Variants in DPYSL2 observed in about 807,000 individuals in gnomAD.
DPYSL2 encodes the protein dihydropyrimidinase like 2.
Under a neutral mutation model 69.9 loss-of-function variants are expected in DPYSL2, and 13 were observed. The ratio of observed to expected loss-of-function variants is 0.19; its 90% CI spans 0.12 to 0.30. The LOEUF is 0.30. Among genes scored for constraint, DPYSL2 ranks in the 10% least tolerant of loss-of-function variants. The pLI, the probability that DPYSL2 is intolerant of heterozygous loss-of-function variation, is 1.00. For synonymous variants in DPYSL2, 326 were observed against 359.1 expected, an observed-to-expected ratio of 0.91 and a Z score of 1.04; for missense variants, 587 against 918.9, an observed-to-expected ratio of 0.64 and a Z score of 4.67.
chr8:26,584,866 G>A (rs1356703576), intron 3 of DPYSL2, among the ~76,000 whole-genome samples: 1 of 152,066 alleles, frequency 6.6e-6, no homozygotes, highest in Non-Finnish European at 1.5e-5. Flanking sequence ...TGATCTGCCT[G>A]CCTCGGCCTC....
rs147510891 is a variant in DPYSL2 at position 26,602,447 on chromosome 8, C to T, written c.628+18464C>T. Reference sequence around the variant, plus strand: ...ATGTAACAGCGATGAGATGGCCCCTCCCAGAGCTGAGAATGGAGAGTATTA... The same window carrying T: ...ATGTAACAGCGATGAGATGGCCCCTTCCAGAGCTGAGAATGGAGAGTATTA... On this transcript the variant is annotated intron_variant, in intron 3 of 13. Coordinates refer to ENST00000521913, the MANE Select transcript of DPYSL2 (RefSeq NM_001197293.3). 3.2e-3 allele frequency among the ~76,000 whole-genome samples: 481 copies of T among 152,172 alleles called. 4 individuals carry two copies. Among genetic ancestry groups the T allele is most frequent in the Non-Finnish European group, 5.8e-3 (397 of 68,012 alleles).
At chr8:26,635,108 TA>T (rs1802879871) in intron 8 of DPYSL2, among the ~76,000 whole-genome samples, 1 of 152,268 alleles carries the variant, frequency 6.6e-6, no homozygotes. Context: ...AGTATCTATT[TA>T]AAGCCATGTG....
chr8:26,632,651 C>T (rs776918013), intron 7 of DPYSL2, among the ~76,000 whole-genome samples: 5 of 152,152 alleles, frequency 3.3e-5, no homozygotes, highest in African/African-American at 4.8e-5. Context: ...CCAACCTGGG[C>T]AACATGGCGA....
chr8:26,654,914 T>C lies in DPYSL2; in HGVS notation c.1943-701T>C, dbSNP rs1803348764. On this transcript the variant is annotated intron_variant, in intron 13 of 13. Coordinates refer to ENST00000521913, the MANE Select transcript of DPYSL2 (RefSeq NM_001197293.3). This position sits in a 1 kb window ranked among gnomAD's most constrained non-coding sequence, Gnocchi z 5.0. Reference sequence around the variant, plus strand: ...TAGAGTGCAGTGGTGCAATCACAGCTCACTGCAGCCTCGACCTCCTGGGCT... The same window carrying C: ...TAGAGTGCAGTGGTGCAATCACAGCCCACTGCAGCCTCGACCTCCTGGGCT... 1.3e-5 allele frequency among the ~76,000 whole-genome samples: 2 copies of C among 152,164 alleles called. No individual in the cohort carries two copies. Among genetic ancestry groups the C allele is most frequent in the African/African-American group, 4.8e-5 (2 of 41,448 alleles).
At chr8:26,542,847 G>A (rs1379590412) in intron 1 of DPYSL2, among the ~76,000 whole-genome samples, 1 of 152,202 alleles carries the variant, frequency 6.6e-6, no homozygotes, top group African/African-American at 2.4e-5. Context: ...TCTAGGTCCT[G>A]TGTGTGTTTA....
intron 1 of DPYSL2, among the ~76,000 whole-genome samples, chr8:26,537,144 A>T (rs1338129282): frequency 6.6e-6 from 1 of 152,218 alleles, no homozygotes; most frequent in Non-Finnish European, 1.5e-5. Context: ...ATTAGGAAGT[A>T]TAGGTAATTC....
chr8:26,572,853 A>T (rs1463577781), intron 1 of DPYSL2, among the ~76,000 whole-genome samples: 1 of 152,134 alleles, frequency 6.6e-6, no homozygotes, highest in Non-Finnish European at 1.5e-5. Context: ...TCAAACCTTG[A>T]ATGGAAGAAA....
In DPYSL2 at chr8:26,644,101, G is replaced by A. The variant is rs370344234; in HGVS notation, c.1425+10G>A. ...CTGGGACAAGGCTGTGGTAAGGAGC[G>A]ATGGCCTCACTCCTTGGTGGCTCTC... On this transcript the variant is annotated intron_variant, in intron 10 of 13. Coordinates refer to ENST00000521913, the MANE Select transcript of DPYSL2 (RefSeq NM_001197293.3). This position sits in a 1 kb window ranked among gnomAD's most constrained non-coding sequence, Gnocchi z 4.5. The A allele has an allele frequency of 2.5e-5, 40 of 1,613,432 alleles. No homozygotes were observed. Among genetic ancestry groups the A allele is most frequent in the Non-Finnish European group, 3.0e-5 (35 of 1,179,700 alleles).
At chr8:26,577,722 C>A in intron 1 of DPYSL2, 1 of 826,122 alleles carries the variant, frequency 1.2e-6, no homozygotes, top group Non-Finnish European at 1.5e-6. Flanking sequence ...GCGCGAAAGG[C>A]GCGCTCCCAG....
In DPYSL2 at chr8:26,537,938, CCTTAACA is replaced by C. The variant is rs200749106; in HGVS notation, c.354+23265_354+23271del. On this transcript the variant is annotated intron_variant, in intron 1 of 13. Transcript: ENST00000521913. The stretch of plus-strand genomic sequence containing the variant: ...GTTCATCTTTCCTTGGCTCATATAA[CCTTAACA>C]CTTAATGAAAACTACAGGCCAGTTA... Among the ~76,000 whole-genome samples, 7 of 152,242 alleles carry C rather than the reference CCTTAACA, an allele frequency of 4.6e-5. No homozygotes were observed. In the East Asian group the frequency reaches 1.4e-3, roughly 29 times the overall value.
In DPYSL2 at chr8:26,560,667, A is replaced by G. The variant is rs1801056785; in HGVS notation, c.355-21302A>G. 6.6e-6 allele frequency among the ~76,000 whole-genome samples: 1 copy of G among 152,240 alleles called. No homozygotes were observed. Among genetic ancestry groups the G allele is most frequent in the African/African-American group, 2.4e-5 (1 of 41,470 alleles). ...ATCTCTATGCTTTAATAGAAGCATT[A>G]AAACAGTAAGCAGCCATCATTTTTG... On this transcript the variant is annotated intron_variant, in intron 1 of 13. Coordinates refer to ENST00000521913, the MANE Select transcript of DPYSL2 (RefSeq NM_001197293.3). This position sits in a 1 kb window ranked among gnomAD's most constrained non-coding sequence, Gnocchi z 4.4.
chr8:26,592,462 G>GT lies in DPYSL2; in HGVS notation c.628+8492dup, dbSNP rs56357770. Among the ~76,000 whole-genome samples the GT allele has an allele frequency of 1.5e-3, 210 of 138,962 alleles. 2 individuals are homozygous for GT. Among genetic ancestry groups the GT allele is most frequent in the African/African-American group, 3.1e-3 (117 of 37,912 alleles). 91.2% of individuals were successfully genotyped at this position (138,962 alleles called of 152,430 possible). On this transcript the variant is annotated intron_variant, in intron 3 of 13. Coordinates refer to ENST00000521913, the MANE Select transcript of DPYSL2 (RefSeq NM_001197293.3). ...GCCACTGTGCCTGTTTGGTACATTAGTTTTTTTTTTTTTGTTTTTTTTTTT... is the reference window on the plus strand; with the variant it reads ...GCCACTGTGCCTGTTTGGTACATTAGTTTTTTTTTTTTTTGTTTTTTTTTTT...
chr8:26,550,775 A>G (rs887096283), intron 1 of DPYSL2, among the ~76,000 whole-genome samples: 2 of 152,140 alleles, frequency 1.3e-5, no homozygotes, highest in African/African-American at 4.8e-5. Context: ...GGCTCAGTGC[A>G]AGTCTGAAGG....
rs867712883 is a variant in DPYSL2, at chr8:26,593,601, G to A, written c.628+9618G>A. On this transcript the variant is annotated intron_variant, in intron 3 of 13. Transcript: ENST00000521913. The surrounding 1 kb of genome is among the most constrained non-coding windows in gnomAD (Gnocchi z 5.7). Reference sequence around the variant, plus strand: ...GGAGGGGCTGAGCTAATTGTCACCAGAAAGAGCCTCCTCCTTCAGTTGCTG... The same window carrying A: ...GGAGGGGCTGAGCTAATTGTCACCAAAAAGAGCCTCCTCCTTCAGTTGCTG... 1.3e-4 allele frequency among the ~76,000 whole-genome samples: 20 copies of A among 152,326 alleles called. No homozygotes were observed. In the South Asian group the frequency reaches 1.5e-3, roughly 11 times the overall value.
chr8:26,621,479 T>C lies in DPYSL2; in HGVS notation c.629-2664T>C, dbSNP rs896198269. The stretch of plus-strand genomic sequence containing the variant: ...CTGCTTGACCTGATTGCAAGTGGAA[T>C]GTGAGAGCCAGAAGGAAATATTCCA... On this transcript the variant is annotated intron_variant, in intron 3 of 13. Transcript: ENST00000521913. This position sits in a 1 kb window ranked among gnomAD's most constrained non-coding sequence, Gnocchi z 4.9. Among the ~76,000 whole-genome samples, 4 of 152,168 alleles carry C rather than the reference T, an allele frequency of 2.6e-5. No individual in the cohort carries two copies. The highest frequency in any genetic ancestry group is 7.2e-5 in the African/African-American group (3 of 41,432).
rs1280863468 is a variant in DPYSL2, at chr8:26,624,438, A to G, written c.793+131A>G. ...CTCATGCCCATGCCTGCCCCTGGGAAGGAGAGAGGGCTTTGGGCCGCAGCT... is the reference window on the plus strand; with the variant it reads ...CTCATGCCCATGCCTGCCCCTGGGAGGGAGAGAGGGCTTTGGGCCGCAGCT... On this transcript the variant is annotated intron_variant, in intron 4 of 13. Coordinates refer to ENST00000521913, the MANE Select transcript of DPYSL2 (RefSeq NM_001197293.3). This position sits in a 1 kb window ranked among gnomAD's most constrained non-coding sequence, Gnocchi z 4.7. 8.3e-7 allele frequency: 1 copy of G among 1,208,458 alleles called. No homozygotes were observed. The highest frequency in any genetic ancestry group is 1.5e-5 in the African/African-American group (1 of 66,372). The allele number at this position is 1,208,458 out of a possible 1,614,324, so 74.9% of individuals were successfully genotyped here.
At chr8:26,584,570 C>T (rs1024551234) in intron 3 of DPYSL2, among the ~76,000 whole-genome samples, 1 of 151,274 alleles carries the variant, frequency 6.6e-6, no homozygotes, top group African/African-American at 2.4e-5. Flanking sequence ...TTGCTGACAC[C>T]CACAGCTGGG....
At chr8:26,603,609 C>T in intron 3 of DPYSL2, among the ~76,000 whole-genome samples, 1 of 152,234 alleles carries the variant, frequency 6.6e-6, no homozygotes, top group East Asian at 1.9e-4. Context: ...AGAACTTTAT[C>T]ATCATCCCTA....
At position 26,641,837 on chromosome 8, in the gene DPYSL2, A is replaced by C. The variant is rs1803056692; in HGVS notation, c.1127-1602A>C. On this transcript the variant is annotated intron_variant, in intron 8 of 13. Transcript: ENST00000521913. The surrounding 1 kb of genome is among the most constrained non-coding windows in gnomAD (Gnocchi z 4.1). ...GGCCTCCAGCACTCCCCAGCTGAAC[A>C]GCGAGTCCTTTGTGAAATTCCTGAG... 6.6e-6 allele frequency among the ~76,000 whole-genome samples: 1 copy of C among 152,206 alleles called. No individual in the cohort carries two copies. Among genetic ancestry groups the C allele is most frequent in the African/African-American group, 2.4e-5 (1 of 41,448 alleles).
Sources: allele counts gnomAD v4.1 joint callset (sites outside exome capture counted in the v4.1 genomes callset), GRCh38; gene constraint gnomAD v4.1.1; non-coding constraint Gnocchi (gnomAD v3.1); transcripts MANE v1.5; gene names NCBI Gene and HGNC (gene_info 2026-07-23, HGNC 2026-07-21).